Variants in DNAJC18 observed in about 807,000 individuals in gnomAD.
The protein encoded by DNAJC18 is DnaJ heat shock protein family (Hsp40) member C18, also known as dnaJ homolog subfamily C member 18.
Under a neutral mutation model 48.6 loss-of-function variants are expected in DNAJC18, and 40 were observed. That is an observed-to-expected ratio of 0.82 (90% confidence interval 0.64 to 1.07). DNAJC18 has a LOEUF of 1.07. Ranked by LOEUF, DNAJC18 falls within the 50% of genes least tolerant of loss-of-function variation. The probability of loss-of-function intolerance (pLI) is 0.00; values close to 1 mark genes in which losing one functional copy is unlikely to be tolerated. For synonymous variants in DNAJC18, 135 were observed against 152.2 expected (o/e 0.89, Z 0.83); for missense variants, 340 against 427.7 (o/e 0.79, Z 1.81).
rs186395620 is a variant in DNAJC18 at position 139,411,225 on chromosome 5, C to T, written c.*2923G>A. On this transcript the variant is annotated 3_prime_UTR_variant, in exon 8 of 8. Transcript: ENST00000302060. The stretch of plus-strand genomic sequence containing the variant: ...AACTCTAGGGTTGCTAATCTGGGGA[C>T]GTGGGTTCCTTCAAGCTCTTTGTGA... 4 of 152,328 alleles carry T rather than the reference C, an allele frequency of 2.6e-5. No individual in the cohort carries two copies. Among genetic ancestry groups the T allele is most frequent in the African/African-American group, 4.8e-5 (2 of 41,570 alleles). The allele number at this position is 152,328 out of a possible 1,614,324, so 9.4% of individuals were successfully genotyped here.
chr5:139,439,293 C>T lies in DNAJC18; in HGVS notation c.40+113G>A. ...CTCAGGCTCAGCATCTTTTCACAGG[C>T]CTCTATCCATCACCTCAGACCCAGG... is the stretch of plus-strand genomic sequence containing the variant. On this transcript the variant is annotated intron_variant, in intron 1 of 7. Transcript: ENST00000302060. The surrounding 1 kb of genome is among the most constrained non-coding windows in gnomAD (Gnocchi z 4.1). 6.6e-7 allele frequency: 1 copy of T among 1,525,676 alleles called. No homozygotes were observed. The highest frequency in any genetic ancestry group is 1.2e-5 in the South Asian group (1 of 86,682). The allele number at this position is 1,525,676 out of a possible 1,614,324, so 94.5% of individuals were successfully genotyped here.
chr5:139,414,336 T>C (rs1276016375), intron 7 of DNAJC18, 64 bp from the exon 8 acceptor site: 2 of 1,541,642 alleles, frequency 1.3e-6, no homozygotes, highest in Non-Finnish European at 1.7e-6. Flanking sequence ...TTTCAATGTT[T>C]CTGGAGTCAA....
intron 7 of DNAJC18, among the ~76,000 whole-genome samples, chr5:139,415,789 G>A (rs1421782174): frequency 1.3e-5 from 2 of 152,216 alleles, no homozygotes; most frequent in Admixed American, 6.5e-5. Flanking sequence ...TGGAGTCACA[G>A]TTACACCAGT....
At chr5:139,427,726 C>T (rs1759264960) in intron 3 of DNAJC18, among the ~76,000 whole-genome samples, 1 of 152,188 alleles carries the variant, frequency 6.6e-6, no homozygotes. Flanking sequence ...CCAATGCATC[C>T]ATGCAAGATC....
chr5:139,420,869 CAAGTT>C (rs1759141297), intron 6 of DNAJC18, among the ~76,000 whole-genome samples: 3 of 152,162 alleles, frequency 2.0e-5, no homozygotes, highest in African/African-American at 7.2e-5. Flanking sequence ...ACCTCAAACT[CAAGTT>C]AAAACAATGT....
intron 6 of DNAJC18, 26 bp from the exon 7 acceptor site, chr5:139,420,251 G>A (rs779549555): frequency 2.4e-5 from 38 of 1,584,404 alleles, no homozygotes; most frequent in Non-Finnish European, 3.1e-5. Flanking sequence ...AGAGGCTCAT[G>A]TGAGCTCATA....
rs111485818 is a variant in DNAJC18, at chr5:139,435,645, A to T, written c.227+1727T>A. Among the ~76,000 whole-genome samples, 1,335 of 149,106 alleles carry T rather than the reference A, an allele frequency of 9.0e-3. 20 individuals are homozygous for T. Among genetic ancestry groups the T allele is most frequent in the African/African-American group, 0.031 (1,277 of 40,586 alleles). ...GATATTTTTGTCTGGTTTTGGTTAC[A>T]GAGTTAATACTGGTCTCAAAGAATG... On this transcript the variant is annotated intron_variant, in intron 2 of 7. Coordinates refer to ENST00000302060, the MANE Select transcript of DNAJC18 (RefSeq NM_152686.4).
At chr5:139,417,800 C>T (rs941668162) in intron 7 of DNAJC18, among the ~76,000 whole-genome samples, 33 of 152,060 alleles carry the variant, frequency 2.2e-4, no homozygotes, top group African/African-American at 7.5e-4. Context: ...TCTCGAACTC[C>T]GGACCTCAGG....
chr5:139,434,613 C>T (rs1015538792), intron 2 of DNAJC18, among the ~76,000 whole-genome samples: 1 of 152,212 alleles, frequency 6.6e-6, no homozygotes, highest in African/African-American at 2.4e-5. Context: ...TGAGCCACCA[C>T]ACCCAGCCTC....
chr5:139,426,322 C>A lies in DNAJC18; in HGVS notation c.409G>T (p.Asp137Tyr). ...TATTCATCATAGCGAAGTCTCTTAT[C>A]AGGATTGCTCAGGACTGCAAATGCA... is the stretch of plus-strand genomic sequence containing the variant. ...GNAFAVLSNP[D>Y]KRLRYDEYGD... The change falls in exon 4 of 8, where the codon GAT becomes TAT. Residue 137 changes from aspartate (D) to tyrosine (Y), a missense_variant. Transcript: ENST00000302060. 1 of 1,614,122 alleles carries A rather than the reference C, an allele frequency of 6.2e-7. No homozygotes were observed. The highest frequency in any genetic ancestry group is 1.1e-5 in the South Asian group (1 of 91,076).
chr5:139,439,300 C>G lies in DNAJC18; in HGVS notation c.40+106G>C. 6.4e-7 allele frequency: 1 copy of G among 1,556,062 alleles called. No homozygotes were observed. On this transcript the variant is annotated intron_variant, in intron 1 of 7. Transcript: ENST00000302060. The surrounding 1 kb of genome is among the most constrained non-coding windows in gnomAD (Gnocchi z 4.1). ...TCAGCATCTTTTCACAGGCCTCTATCCATCACCTCAGACCCAGGATCTCAG... is the reference window on the plus strand; with the variant it reads ...TCAGCATCTTTTCACAGGCCTCTATGCATCACCTCAGACCCAGGATCTCAG...
chr5:139,422,967 C>G (rs1453829584), intron 5 of DNAJC18, 150 bp from the exon 6 acceptor site: 2 of 452,908 alleles, frequency 4.4e-6, no homozygotes, highest in Non-Finnish European at 7.7e-6. Context: ...TCCCGAGTAG[C>G]TGGGACTACA....
At chr5:139,415,080 T>C (rs1197214500) in intron 7 of DNAJC18, among the ~76,000 whole-genome samples, 5 of 152,194 alleles carry the variant, frequency 3.3e-5, no homozygotes, top group African/African-American at 4.8e-5. Context: ...CAGGATGGCA[T>C]GCTTGGATGT....
At chr5:139,428,704 G>T (rs1043008633) in intron 2 of DNAJC18, 21 bp from the exon 3 acceptor site, 9 of 1,605,410 alleles carry the variant, frequency 5.6e-6, no homozygotes, top group Non-Finnish European at 7.6e-6. Flanking sequence ...TCACAAGCAT[G>T]TATGTCTATA....
rs1441335732 is a variant in DNAJC18 at position 139,426,319 on chromosome 5, T to A, written c.412A>T (p.Lys138Ter). The A allele has an allele frequency of 6.2e-7, 1 of 1,614,206 alleles. No homozygotes were observed. The change falls in exon 4 of 8, where the codon AAG becomes TAG. Residue 138 changes from lysine to a stop codon, truncating the protein, a stop_gained. Coordinates refer to ENST00000302060, the MANE Select transcript of DNAJC18 (RefSeq NM_152686.4). LOFTEE classifies it high-confidence loss of function. Reference protein sequence around the residue: ...NAFAVLSNPDKRLRYDEYGDE... With the variant: ...NAFAVLSNPD Reference sequence around the variant, plus strand: ...CCGTATTCATCATAGCGAAGTCTCTTATCAGGATTGCTCAGGACTGCAAAT... The same window carrying A: ...CCGTATTCATCATAGCGAAGTCTCTAATCAGGATTGCTCAGGACTGCAAAT...
Position 139,413,223 on chromosome 5 carries a change from C to T in DNAJC18, c.*925G>A. 1 of 209,244 alleles carries T rather than the reference C, an allele frequency of 4.8e-6. No homozygotes were observed. 13.0% of individuals were successfully genotyped at this position (209,244 alleles called of 1,614,324 possible). A position where few individuals can be genotyped will look rare whatever the true frequency, so the allele number is the denominator to read the frequency against. The stretch of plus-strand genomic sequence containing the variant: ...TGGCTGCTGGGGCCAAAGCTAGACC[C>T]CCATATCCAAGGAGAGAGGATCTGT... On this transcript the variant is annotated 3_prime_UTR_variant, in exon 8 of 8. Coordinates refer to ENST00000302060, the MANE Select transcript of DNAJC18 (RefSeq NM_152686.4).
At chr5:139,426,775 C>T (rs1177746213) in intron 3 of DNAJC18, among the ~76,000 whole-genome samples, 2 of 152,158 alleles carry the variant, frequency 1.3e-5, no homozygotes, top group African/African-American at 4.8e-5. Context: ...TGCCTATAAT[C>T]CCAGCACTTT....
chr5:139,429,405 C>T (rs1759295981), intron 2 of DNAJC18, among the ~76,000 whole-genome samples: 2 of 152,032 alleles, frequency 1.3e-5, no homozygotes. Context: ...AAAAAGTTAA[C>T]ATACACATGA....
chr5:139,427,153 T>C (rs1759257252), intron 3 of DNAJC18, among the ~76,000 whole-genome samples: 1 of 152,222 alleles, frequency 6.6e-6, no homozygotes. Flanking sequence ...GAAACCTTCC[T>C]GCTTGACTAA....
Sources: allele counts gnomAD v4.1 joint callset (sites outside exome capture counted in the v4.1 genomes callset), GRCh38; gene constraint gnomAD v4.1.1; non-coding constraint Gnocchi (gnomAD v3.1); transcripts MANE v1.5; gene names NCBI Gene and HGNC (gene_info 2026-07-23, HGNC 2026-07-21).